EXD3: variants seen among roughly 807,000 people sequenced by gnomAD.
The protein encoded by EXD3 is exonuclease 3'-5' domain containing 3.
Under a neutral mutation model 98.0 loss-of-function variants are expected in EXD3, and 92 were observed. The observed-to-expected ratio is 0.94, with a 90% CI of 0.79 to 1.12. The LOEUF is 1.12. Among genes scored for constraint, EXD3 ranks in the 50% most tolerant of loss-of-function variants. The probability of loss-of-function intolerance (pLI) is 0.00; values close to 1 mark genes in which losing one functional copy is unlikely to be tolerated. For missense variants in EXD3, 1,222 were observed against 1,191.6 expected, an observed-to-expected ratio of 1.03 and a Z score of -0.38; for synonymous variants, 569 against 526.0, an observed-to-expected ratio of 1.08 and a Z score of -1.12.
At chr9:137,377,844 A>G (rs1588385194) in intron 3 of EXD3, among the ~76,000 whole-genome samples, 1 of 120,300 alleles carries the variant, frequency 8.3e-6, no homozygotes, top group African/African-American at 3.4e-5. Flanking sequence ...CCCAGGCTGG[A>G]GTGCAGTGGT....
At chr9:137,315,236 T>C (rs1341293955) in intron 19 of EXD3, among the ~76,000 whole-genome samples, 3 of 152,190 alleles carry the variant, frequency 2.0e-5, no homozygotes, top group Admixed American at 6.5e-5. Context: ...GTGAGGGGCC[T>C]CAGCCTTTCC....
intron 1 of EXD3, among the ~76,000 whole-genome samples, chr9:137,412,317 A>G (rs1838041244): frequency 6.6e-6 from 1 of 152,262 alleles, no homozygotes; most frequent in Non-Finnish European, 1.5e-5. Flanking sequence ...AGAAGGGTCA[A>G]TATCTCTGTG....
chr9:137,311,710 C>T (rs894706027), intron 19 of EXD3, among the ~76,000 whole-genome samples: 16 of 152,162 alleles, frequency 1.1e-4, no homozygotes, highest in South Asian at 2.1e-4. Context: ...CTGGGAAAGC[C>T]GGTTCTGGGC....
intron 1 of EXD3, among the ~76,000 whole-genome samples, chr9:137,418,875 G>A (rs1369038606): frequency 3.3e-5 from 5 of 152,094 alleles, no homozygotes; most frequent in African/African-American, 1.2e-4. Context: ...TCATAGTAAA[G>A]GTTTTTGGTT....
At position 137,307,131 on chromosome 9, in the gene EXD3, G is replaced by A. The variant is rs1466043590; in HGVS notation, c.2450C>T (p.Pro817Leu). Residue 817 changes from proline (P) to leucine (L), a missense_variant, in exon 22 of 22, where the codon CCG (proline) becomes CTG (leucine). Transcript: ENST00000340951. ...CCCAGGTGTCCTCAGCACACCCACC[G>A]GGACCCCTGCCAGCTGCAGCCGGGT... is the stretch of plus-strand genomic sequence containing the variant. ...DGTRLQLAGV[P>L]VGVLRTPGLR... The A allele has an allele frequency of 2.2e-5, 35 of 1,601,530 alleles. No homozygotes were observed. The highest frequency in any genetic ancestry group is 2.7e-5 in the Non-Finnish European group (32 of 1,175,064).
At chr9:137,325,053 A>T (rs1832316861) in intron 17 of EXD3, among the ~76,000 whole-genome samples, 1 of 152,138 alleles carries the variant, frequency 6.6e-6, no homozygotes, top group Non-Finnish European at 1.5e-5. Flanking sequence ...TTCAGTATGA[A>T]TTTCTGATGT....
intron 1 of EXD3, among the ~76,000 whole-genome samples, chr9:137,404,487 T>G (rs1837624644): frequency 6.6e-6 from 1 of 152,236 alleles, no homozygotes; most frequent in Admixed American, 6.5e-5. Context: ...TTGCCTCAGC[T>G]GCCTATAAAG....
In EXD3 at chr9:137,375,158, G is replaced by A. The variant is rs112419323; in HGVS notation, c.121-1559C>T. The stretch of plus-strand genomic sequence containing the variant: ...CGTGTAGCTGGGACTATAGGCGCGC[G>A]CCACCATGCCTGGCTAATTTTTGTA... On this transcript the variant is annotated intron_variant, in intron 3 of 21. Coordinates refer to ENST00000340951, the MANE Select transcript of EXD3 (RefSeq NM_017820.5). 3.4e-3 allele frequency among the ~76,000 whole-genome samples: 516 copies of A among 152,288 alleles called. 2 individuals carry two copies. The highest frequency in any genetic ancestry group is 0.011 in the African/African-American group (474 of 41,542).
chr9:137,322,631 G>A (rs1281186935), intron 19 of EXD3, among the ~76,000 whole-genome samples: 1 of 126,168 alleles, frequency 7.9e-6, no homozygotes, highest in Non-Finnish European at 1.7e-5. Flanking sequence ...GACCACGAGG[G>A]ATGCTCTGCC....
chr9:137,400,644 A>G (rs1837436164), intron 1 of EXD3, among the ~76,000 whole-genome samples: 1 of 152,120 alleles, frequency 6.6e-6, no homozygotes, highest in African/African-American at 2.4e-5. Flanking sequence ...ACCCACCTAT[A>G]GTCCCAGCTA....
chr9:137,345,996 G>A (rs537983715), intron 17 of EXD3: 1 of 151,890 alleles, frequency 6.6e-6, no homozygotes, highest in South Asian at 2.1e-4. Flanking sequence ...AAAAACCAGG[G>A]AAAAGTAATT....
intron 1 of EXD3, among the ~76,000 whole-genome samples, chr9:137,411,150 C>T (rs757452377): frequency 7.9e-5 from 12 of 152,312 alleles, no homozygotes; most frequent in Non-Finnish European, 1.2e-4. Context: ...GCCGGCCCCC[C>T]GGGTGGGGAG....
At chr9:137,420,855 C>A (rs1838483077) in intron 1 of EXD3, among the ~76,000 whole-genome samples, 1 of 151,818 alleles carries the variant, frequency 6.6e-6, no homozygotes. Flanking sequence ...CGCTCTGTCA[C>A]CCAGGCTGGA....
chr9:137,342,859 T>G (rs1833717422), intron 17 of EXD3, among the ~76,000 whole-genome samples: 1 of 152,148 alleles, frequency 6.6e-6, no homozygotes, highest in Non-Finnish European at 1.5e-5. Context: ...CGGTGGCTCA[T>G]GCCTGTAATC....
intron 17 of EXD3, among the ~76,000 whole-genome samples, chr9:137,326,961 G>A (rs1212356871): frequency 5.3e-5 from 8 of 151,918 alleles, no homozygotes; most frequent in Non-Finnish European, 1.2e-4. Flanking sequence ...AGGCTACGTC[G>A]TGAATAAACC....
At chr9:137,391,188 GCGTCTC>G (rs1836886136) in intron 2 of EXD3, among the ~76,000 whole-genome samples, 1 of 152,256 alleles carries the variant, frequency 6.6e-6, no homozygotes. Context: ...TGAGAGGGAG[GCGTCTC>G]CAGGAACCCG....
intron 1 of EXD3, among the ~76,000 whole-genome samples, chr9:137,409,014 ATAATT>A (rs994527649): frequency 2.6e-5 from 4 of 152,238 alleles, no homozygotes; most frequent in African/African-American, 9.6e-5. Flanking sequence ...GGCGGCTGCT[ATAATT>A]TAAAGTGTGT....
Position 137,349,437 on chromosome 9 carries a change from A to G in EXD3, c.1589T>C (p.Leu530Pro). The change falls in exon 15 of 22, where the codon CTG becomes CCG. Residue 530 changes from leucine (L) to proline (P), a missense_variant. Physicochemically the swap from Leu to Pro is moderately conservative, Grantham distance 98. Coordinates refer to ENST00000340951, the MANE Select transcript of EXD3 (RefSeq NM_017820.5). This position sits in a 1 kb window ranked among gnomAD's most constrained non-coding sequence, Gnocchi z 7.4. ...LLVQQVLGTA[L>P]DKTQQLSNWD... ...GTTGGACAGCTGCTGCGTCTTGTCC[A>G]GGGCTGTGCCCAGCACCTGCTGCAC... is the stretch of plus-strand genomic sequence containing the variant. 1.2e-6 allele frequency: 2 copies of G among 1,601,470 alleles called. No homozygotes were observed. The highest frequency in any genetic ancestry group is 1.7e-6 in the Non-Finnish European group (2 of 1,177,582).
chr9:137,307,622 GC>G lies in EXD3; in HGVS notation c.2302del (p.Ala768ArgfsTer54), dbSNP rs539667401. On this transcript the variant is annotated frameshift_variant, in exon 21 of 22. Coordinates refer to ENST00000340951, the MANE Select transcript of EXD3 (RefSeq NM_017820.5). LOFTEE classifies it low-confidence loss of function (END_TRUNC). ...SSGDEATQSQ[A>X]VQEPGPAPDA... ...CCGGGGCTCACCTGGCTCCTGCACC[GC>G]CTGGCTCTGGGTGGCCTCGTCACCT... The G allele has an allele frequency of 1.9e-6, 3 of 1,610,108 alleles. No individual in the cohort carries two copies. In the South Asian group the frequency reaches 3.3e-5, roughly 18 times the overall value.
Sources: allele counts gnomAD v4.1 joint callset (sites outside exome capture counted in the v4.1 genomes callset), GRCh38; gene constraint gnomAD v4.1.1; non-coding constraint Gnocchi (gnomAD v3.1); transcripts MANE v1.5; gene names NCBI Gene and HGNC (gene_info 2026-07-23, HGNC 2026-07-21).